Variants in CWH43 observed in about 807,000 individuals in gnomAD.
The protein encoded by CWH43 is PGAP2-interacting protein.
Under a neutral mutation model 85.7 loss-of-function variants are expected in CWH43, and 91 were observed. The observed-to-expected ratio is 1.06, with a 90% CI of 0.90 to 1.26. CWH43 has a LOEUF of 1.26. CWH43 is among the 50% of genes most tolerant of loss of function. The pLI, the probability that CWH43 is intolerant of heterozygous loss-of-function variation, is 0.00. For missense variants in CWH43, 869 were observed against 839.2 expected, an observed-to-expected ratio of 1.04 and a Z score of -0.44; for synonymous variants, 323 against 293.6, an observed-to-expected ratio of 1.10 and a Z score of -1.02.
At chr4:49,005,261 G>T (rs974743515) in intron 7 of CWH43, among the ~76,000 whole-genome samples, 1 of 152,124 alleles carries the variant, frequency 6.6e-6, no homozygotes, top group African/African-American at 2.4e-5. Flanking sequence ...ACATGCATAG[G>T]TTGCATAGTG....
rs201019015 is a variant in CWH43, at chr4:49,017,297, A to C, written c.1235A>C (p.His412Pro). 1.2e-5 allele frequency: 19 copies of C among 1,612,394 alleles called. No homozygotes were observed. Among genetic ancestry groups the C allele is most frequent in the Admixed American group, 1.7e-5 (1 of 59,976 alleles). ...GVGLLGLGLR[H>P]KAYERKLGKV... is the part of the protein sequence containing the mutation. ...GGATTGTTGGGATTAGGACTACGGCATAAAGCCTATGAGAGAAAACTGGGC... is the reference window on the plus strand; with the variant it reads ...GGATTGTTGGGATTAGGACTACGGCCTAAAGCCTATGAGAGAAAACTGGGC... Residue 412 changes from histidine (H) to proline (P), a missense_variant, in exon 9 of 16, where the codon CAT (histidine) becomes CCT (proline). Physicochemically the swap from His to Pro is moderately conservative, Grantham distance 77. Coordinates refer to ENST00000226432, the MANE Select transcript of CWH43 (RefSeq NM_025087.3).
intron 14 of CWH43, among the ~76,000 whole-genome samples, chr4:49,045,255 A>T (rs1198970646): frequency 6.6e-6 from 1 of 152,146 alleles, no homozygotes; most frequent in East Asian, 1.9e-4. Context: ...GGGTAAGTTA[A>T]CTAATTTGAT....
Position 49,003,864 on chromosome 4 carries a change from A to G in CWH43, c.932A>G (p.Asn311Ser), listed in dbSNP as rs1326471696. The change falls in exon 7 of 16, where the codon AAC (asparagine) becomes AGC (serine). Residue 311 changes from asparagine to serine, a missense_variant. Asn to Ser is a conservative substitution (Grantham distance 46, BLOSUM62 1). Around this residue, in one of 3 missense-constraint regions of CWH43, gnomAD observed 577 missense variants for 513.1 expected, o/e 1.12. Coordinates refer to ENST00000226432, the MANE Select transcript of CWH43 (RefSeq NM_025087.3). ...GGACACCTTATTAACTCAGGGACAA[A>G]CCCTGGGAAAACCATGACCATTGCC... is the stretch of plus-strand genomic sequence containing the variant. ...TLGHLINSGTNPGKTMTIAMI... is the reference protein window; with the variant it reads ...TLGHLINSGTSPGKTMTIAMI... 1 of 1,613,932 alleles carries G rather than the reference A, an allele frequency of 6.2e-7. No homozygotes were observed. Among genetic ancestry groups the G allele is most frequent in the South Asian group, 1.1e-5 (1 of 91,084 alleles).
chr4:48,994,187 C>A (rs1385361947), intron 4 of CWH43, among the ~76,000 whole-genome samples: 1 of 152,170 alleles, frequency 6.6e-6, no homozygotes, highest in Non-Finnish European at 1.5e-5. Flanking sequence ...AGTGGCTGCC[C>A]AGTCAATGCA....
In CWH43 at chr4:49,030,808, T is replaced by G. The variant is rs1420522543; in HGVS notation, c.1373-17T>G. 2 of 1,546,402 alleles carry G rather than the reference T, an allele frequency of 1.3e-6. No individual in the cohort carries two copies. The highest frequency in any genetic ancestry group is 1.7e-6 in the Non-Finnish European group (2 of 1,152,186). ...CTGTGATTCATCACTGTATGCTACT[T>G]TTTTTTTTCTGAACAGGTGCAGATT... On this transcript the variant is annotated splice_polypyrimidine_tract_variant and intron_variant, in intron 10 of 15. Transcript: ENST00000226432.
intron 14 of CWH43, among the ~76,000 whole-genome samples, chr4:49,049,198 A>G (rs978094342): frequency 7.2e-5 from 11 of 152,200 alleles, no homozygotes; most frequent in African/African-American, 2.7e-4. Context: ...CAATGCATTA[A>G]GCTGTCTGAC....
chr4:48,992,077 T>C lies in CWH43; in HGVS notation c.498T>C (p.Asp166=). The change falls in exon 4 of 16, where the codon GAT becomes GAC. Residue 166 remains aspartate (D), a synonymous_variant. Coordinates refer to ENST00000226432, the MANE Select transcript of CWH43 (RefSeq NM_025087.3). This position sits in a 1 kb window ranked among gnomAD's most constrained non-coding sequence, Gnocchi z 4.3. ...CATTAAGTGCCATAGCCACACTTGA[T>C]CGTATTGGCACAGGTAATACTGTAA... ...ILTLSAIATL[D]RIGTDGDCSK... The C allele has an allele frequency of 6.2e-7, 1 of 1,613,954 alleles. No individual in the cohort carries two copies.
chr4:49,051,704 G>A (rs1191409185), intron 15 of CWH43, among the ~76,000 whole-genome samples: 4 of 152,124 alleles, frequency 2.6e-5, no homozygotes, highest in Non-Finnish European at 5.9e-5. Context: ...AGCCTCCTGA[G>A]TAGCTGGGAC....
chr4:48,986,390 C>A lies in CWH43; in HGVS notation c.-40C>A, dbSNP rs1782494839. ...CAGGGCTAGGGCAGCGGGCCCGACC[C>A]GCACGGCTTTCCTGGAAAGCGCTGC... is the stretch of plus-strand genomic sequence containing the variant. On this transcript the variant is annotated 5_prime_UTR_variant, in exon 1 of 16. Transcript: ENST00000226432. 2 of 1,544,366 alleles carry A rather than the reference C, an allele frequency of 1.3e-6. No individual in the cohort carries two copies. Among genetic ancestry groups the A allele is most frequent in the Non-Finnish European group, 8.7e-7 (1 of 1,143,706 alleles).
At chr4:49,017,141 C>T in intron 8 of CWH43, 108 bp from the exon 9 acceptor site, 2 of 915,242 alleles carry the variant, frequency 2.2e-6, no homozygotes, top group Non-Finnish European at 3.5e-6. Context: ...GAAGAACTTC[C>T]TGGAGGGTGC....
At chr4:49,007,092 A>G (rs1396079936) in intron 7 of CWH43, 109 bp from the exon 8 acceptor site, 2 of 1,269,234 alleles carry the variant, frequency 1.6e-6, no homozygotes, top group African/African-American at 1.5e-5. Flanking sequence ...AAATCAGTAC[A>G]TGAATTTCCA....
At chr4:49,052,058 C>A (rs560996440) in intron 15 of CWH43, among the ~76,000 whole-genome samples, 75 of 152,256 alleles carry the variant, frequency 4.9e-4, no homozygotes, top group African/African-American at 1.7e-3. Flanking sequence ...ATAAACATTT[C>A]TCATTTTTTT....
intron 8 of CWH43, among the ~76,000 whole-genome samples, chr4:49,011,830 G>C (rs1458344801): frequency 3.3e-5 from 5 of 152,198 alleles, no homozygotes; most frequent in South Asian, 2.1e-4. Flanking sequence ...TAGGGTTTCT[G>C]ACAAAAGATC....
intron 13 of CWH43, among the ~76,000 whole-genome samples, chr4:49,043,017 C>G (rs530337099): frequency 1.1e-4 from 17 of 152,258 alleles, no homozygotes; most frequent in African/African-American, 4.1e-4. Context: ...CGTCTGGGCC[C>G]TGGTGCTGGA....
intron 10 of CWH43, among the ~76,000 whole-genome samples, chr4:49,029,097 T>A (rs1471284575): frequency 6.6e-6 from 1 of 152,120 alleles, no homozygotes. Context: ...AAAGGCAGAA[T>A]GGGTTGTAGG....
chr4:49,046,627 A>C (rs1201990214), intron 14 of CWH43, among the ~76,000 whole-genome samples: 1 of 152,066 alleles, frequency 6.6e-6, no homozygotes, highest in South Asian at 2.1e-4. Context: ...CAGCACCTCA[A>C]GTGGAAGGAG....
At chr4:49,061,672 T>A in intron 15 of CWH43, 140 bp from the exon 16 acceptor site, 1 of 700,234 alleles carries the variant, frequency 1.4e-6, no homozygotes, top group South Asian at 3.6e-5. Flanking sequence ...AAAATTTTAG[T>A]TTGCCTTTCC....
At chr4:49,010,110 CT>C (rs963770578) in intron 8 of CWH43, among the ~76,000 whole-genome samples, 56 of 152,182 alleles carry the variant, frequency 3.7e-4, no homozygotes, top group African/African-American at 1.3e-3. Context: ...TGGTCCTGGA[CT>C]TTTTTTGGTT....
intron 9 of CWH43, among the ~76,000 whole-genome samples, chr4:49,025,464 C>T (rs1275413733): frequency 3.9e-5 from 6 of 152,078 alleles, no homozygotes; most frequent in Non-Finnish European, 1.5e-5. Context: ...GTTTCTGGTT[C>T]CTTCTCATTT....
Sources: allele counts gnomAD v4.1 joint callset (sites outside exome capture counted in the v4.1 genomes callset), GRCh38; gene constraint gnomAD v4.1.1; regional missense constraint gnomAD v4.1.1; non-coding constraint Gnocchi (gnomAD v3.1); transcripts MANE v1.5; gene names NCBI Gene and HGNC (gene_info 2026-07-23, HGNC 2026-07-21).